CEP192: variants seen among roughly 807,000 people sequenced by gnomAD.
CEP192 encodes the protein centrosomal protein 192, also known as centrosomal protein of 192 kDa.
CEP192 carries 151 observed loss-of-function variants against 271.8 expected under a neutral mutation model. The ratio of observed to expected loss-of-function variants is 0.56; its 90% CI spans 0.49 to 0.64. The LOEUF (loss-of-function observed/expected upper bound fraction) is 0.64. CEP192 is among the 30% of genes least tolerant of loss of function. The probability of loss-of-function intolerance (pLI) is 0.00; values close to 1 mark genes in which losing one functional copy is unlikely to be tolerated. For missense variants in CEP192, 2,910 were observed against 3,020.5 expected (o/e 0.96, Z 0.86); for synonymous variants, 995 against 1,076.5 (o/e 0.92, Z 1.48).
intron 4 of CEP192, among the ~76,000 whole-genome samples, chr18:13,011,126 C>A (rs2034325656): frequency 1.3e-5 from 2 of 151,170 alleles, no homozygotes; most frequent in Admixed American, 1.3e-4. Flanking sequence ...ACTTGGGGGG[C>A]TGAGGCGGGA....
intron 44 of CEP192, among the ~76,000 whole-genome samples, chr18:13,121,802 G>T (rs141702542): frequency 0.015 from 2,239 of 152,336 alleles, 19 homozygotes; most frequent in Middle Eastern, 0.031. Flanking sequence ...GGCAGACCCT[G>T]CATGTCATTT....
At chr18:13,072,984 G>A (rs752562083) in intron 29 of CEP192, 25 bp from the exon 30 acceptor site, 2 of 1,592,930 alleles carry the variant, frequency 1.3e-6, no homozygotes, top group Middle Eastern at 1.7e-4. Flanking sequence ...TTTGTTTTAT[G>A]CATTTAACTG....
In CEP192 at chr18:13,106,509, T is replaced by TACCACCACCACCACCACCACC. The variant is rs761390676; in HGVS notation, c.7047+1437_7047+1457dup. Reference sequence around the variant, plus strand: ...ACTCACCACTGCCATCACCATTTCCTACCACCACCACCACCACCACCACCA... The same window carrying TACCACCACCACCACCACCACC: ...ACTCACCACTGCCATCACCATTTCCTACCACCACCACCACCACCACCACCACCACCACCACCACCACCACCA... On this transcript the variant is annotated intron_variant, in intron 40 of 44. Transcript: ENST00000506447. Among the ~76,000 whole-genome samples, 117 of 136,926 alleles carry TACCACCACCACCACCACCACC rather than the reference T, an allele frequency of 8.5e-4. 1 individual carries two copies. The highest frequency in any genetic ancestry group is 3.3e-3 in the African/African-American group (114 of 34,216). 89.8% of individuals were successfully genotyped at this position (136,926 alleles called of 152,430 possible). A position where few individuals can be genotyped will look rare whatever the true frequency, so the allele number is the denominator to read the frequency against.
At chr18:13,117,742 A>G (rs2145127220) in intron 44 of CEP192, 99 bp downstream of exon 44, 4 of 839,782 alleles carry the variant, frequency 4.8e-6, no homozygotes, top group Non-Finnish European at 8.0e-6. Flanking sequence ...CAGGTCCTCC[A>G]TATTCCTCAC....
chr18:13,116,076 C>G (rs62095835), intron 42 of CEP192, among the ~76,000 whole-genome samples: 2 of 152,242 alleles, frequency 1.3e-5, no homozygotes, highest in East Asian at 3.9e-4. Flanking sequence ...GGTACTGCAG[C>G]GTGACGGGGC....
rs759914101 is a variant in CEP192 at position 12,999,434 on chromosome 18, T to C, written c.10T>C (p.Phe4Leu). The C allele has an allele frequency of 9.0e-5, 139 of 1,543,238 alleles. No homozygotes were observed. Among genetic ancestry groups the C allele is most frequent in the Non-Finnish European group, 1.2e-4 (136 of 1,144,016 alleles). The change falls in exon 2 of 45, where the codon TTT (phenylalanine) becomes CTT (leucine). Residue 4 changes from phenylalanine (F) to leucine (L), a missense_variant. Phe to Leu is a conservative substitution (Grantham distance 22, BLOSUM62 0). Coordinates refer to ENST00000506447, the MANE Select transcript of CEP192 (RefSeq NM_032142.4). ...TTGTTATTGCAGTGAGATGGAAGAT[T>C]TTCGAGGTATAGCAGAAGAATCATT... MED[F>L]RGIAEESFPS... is the part of the protein sequence containing the mutation.
chr18:12,998,219 G>A (rs1422248883), intron 1 of CEP192, among the ~76,000 whole-genome samples: 2 of 152,164 alleles, frequency 1.3e-5, no homozygotes, highest in African/African-American at 4.8e-5. Flanking sequence ...GGTTGATTGT[G>A]TCAGTTCTTT....
At chr18:13,078,576 A>G (rs1021767360) in intron 30 of CEP192, among the ~76,000 whole-genome samples, 4 of 152,034 alleles carry the variant, frequency 2.6e-5, no homozygotes, top group African/African-American at 4.8e-5. Context: ...CTATTTCTCC[A>G]TATCCTCTCC....
intron 30 of CEP192, among the ~76,000 whole-genome samples, chr18:13,079,032 A>G (rs539417289): frequency 9.2e-5 from 14 of 152,286 alleles, no homozygotes; most frequent in Non-Finnish European, 1.5e-4. Context: ...AATCCAGTCT[A>G]TCACTGACGG....
chr18:13,014,566 C>T (rs1212446946), intron 5 of CEP192, among the ~76,000 whole-genome samples: 1 of 152,136 alleles, frequency 6.6e-6, no homozygotes, highest in Non-Finnish European at 1.5e-5. Flanking sequence ...ACTTTCAAAG[C>T]TCAGAGCTTA....
chr18:13,095,784 A>G (rs1356977209), intron 35 of CEP192, 103 bp downstream of exon 35: 2 of 1,020,624 alleles, frequency 2.0e-6, no homozygotes, highest in African/African-American at 1.6e-5. Flanking sequence ...GCTCCTGCAC[A>G]TTGAGCTGTG....
chr18:13,025,757 CATTT>C (rs1278279687), intron 9 of CEP192, among the ~76,000 whole-genome samples: 2 of 152,090 alleles, frequency 1.3e-5, no homozygotes, highest in Non-Finnish European at 2.9e-5. Flanking sequence ...TGCTATCATT[CATTT>C]CACTTACATA....
intron 21 of CEP192, among the ~76,000 whole-genome samples, chr18:13,066,700 T>G (rs1316157651): frequency 6.6e-6 from 1 of 152,176 alleles, no homozygotes; most frequent in East Asian, 1.9e-4. Flanking sequence ...CATAGACATG[T>G]GGACAGTTTT....
chr18:13,073,915 C>A (rs2144494161), intron 30 of CEP192, among the ~76,000 whole-genome samples: 1 of 152,316 alleles, frequency 6.6e-6, no homozygotes, highest in South Asian at 2.1e-4. Context: ...CTGAATTTGC[C>A]AGCTCCAAGA....
Position 13,056,530 on chromosome 18 carries a change from C to T in CEP192, c.3940C>T (p.Leu1314=), listed in dbSNP as rs1317490078. Residue 1314 remains leucine (L), a synonymous_variant, in exon 19 of 45, where the codon CTA becomes TTA. Transcript: ENST00000506447. ...VQNSVAVGIC[L]GSNIGSGWMG... is the part of the protein sequence containing the mutation. ...GAACTCTGTGGCTGTGGGAATTTGT[C>T]TAGGATCAAATATCGGCTCTGGATG... is the stretch of plus-strand genomic sequence containing the variant. 5.0e-6 allele frequency: 8 copies of T among 1,614,190 alleles called. No individual in the cohort carries two copies. The highest frequency in any genetic ancestry group is 5.9e-6 in the Non-Finnish European group (7 of 1,180,036).
rs192930053 is a variant in CEP192, at chr18:13,058,012, G to T, written c.4257+279G>T. ...AGTGCTATTATTTAAATCATCAAAA[G>T]TTCTGAGTTTCTTGTTTCTACTTGT... On this transcript the variant is annotated intron_variant, in intron 20 of 44. Transcript: ENST00000506447. 5.2e-5 allele frequency: 10 copies of T among 191,296 alleles called. No individual in the cohort carries two copies. In the East Asian group the frequency reaches 8.8e-4, roughly 17 times the overall value. The allele number at this position is 191,296 out of a possible 1,614,324, so 11.8% of individuals were successfully genotyped here.
intron 36 of CEP192, among the ~76,000 whole-genome samples, chr18:13,097,298 G>A (rs1406384984): frequency 6.6e-6 from 1 of 152,142 alleles, no homozygotes; most frequent in Non-Finnish European, 1.5e-5. Flanking sequence ...TTTCAGTCTG[G>A]TGATTTCTTT....
chr18:12,997,365 G>A (rs1205282432), intron 1 of CEP192, among the ~76,000 whole-genome samples: 3 of 152,136 alleles, frequency 2.0e-5, no homozygotes, highest in Non-Finnish European at 2.9e-5. Flanking sequence ...TTCGTGGGGC[G>A]GCAGGGGGGA....
At chr18:13,013,615 G>A (rs975553079) in intron 5 of CEP192, among the ~76,000 whole-genome samples, 11 of 152,272 alleles carry the variant, frequency 7.2e-5, no homozygotes, top group African/African-American at 1.7e-4. Context: ...GTGCTTGTGC[G>A]TGAGTGTGTA....
Sources: allele counts gnomAD v4.1 joint callset (sites outside exome capture counted in the v4.1 genomes callset), GRCh38; gene constraint gnomAD v4.1.1; transcripts MANE v1.5; gene names NCBI Gene and HGNC (gene_info 2026-07-23, HGNC 2026-07-21).